ALDH9A1: variants seen among roughly 807,000 people sequenced by gnomAD.
The protein encoded by ALDH9A1 is aldehyde dehydrogenase 9 family member A1.
A neutral mutation model predicts 56.6 loss-of-function variants in ALDH9A1; 42 were observed. That is an observed-to-expected ratio of 0.74 (90% CI 0.58 to 0.96). The LOEUF (loss-of-function observed/expected upper bound fraction) is 0.96. ALDH9A1 is among the 40% of genes least tolerant of loss of function. The pLI is 0.00. For synonymous variants in ALDH9A1, 242 were observed against 236.0 expected (o/e 1.03, Z -0.23); for missense variants, 661 against 651.5 (o/e 1.01, Z -0.16).
At chr1:165,674,927 C>T (rs1005352309) in intron 6 of ALDH9A1, among the ~76,000 whole-genome samples, 3 of 152,158 alleles carry the variant, frequency 2.0e-5, no homozygotes, top group African/African-American at 7.2e-5. Context: ...GGCGTGGTGG[C>T]TCACGCCTAT....
At chr1:165,697,026 T>G (rs1650110618) in intron 1 of ALDH9A1, among the ~76,000 whole-genome samples, 1 of 152,242 alleles carries the variant, frequency 6.6e-6, no homozygotes, top group South Asian at 2.1e-4. Context: ...AAATCAGTTT[T>G]ATTGCTCTGG....
At position 165,662,337 on chromosome 1, in the gene ALDH9A1, T is replaced by C. The variant is rs1348676075; in HGVS notation, c.*713A>G. ...CAGGCTGTAGTTCAAGGACCCAAGA[T>C]AGGGAGATAGATTTCCTCTATCGCA... On this transcript the variant is annotated 3_prime_UTR_variant, in exon 11 of 11. Coordinates refer to ENST00000354775, the MANE Select transcript of ALDH9A1 (RefSeq NM_000696.4). 3.9e-5 allele frequency: 6 copies of C among 152,268 alleles called. No individual in the cohort carries two copies. The highest frequency in any genetic ancestry group is 1.2e-4 in the African/African-American group (5 of 41,460). The allele number at this position is 152,268 out of a possible 1,614,324, so 9.4% of individuals were successfully genotyped here. A position where few individuals can be genotyped will look rare whatever the true frequency, so the allele number is the denominator to read the frequency against.
At chr1:165,689,685 G>T (rs932157557) in intron 2 of ALDH9A1, among the ~76,000 whole-genome samples, 8 of 152,122 alleles carry the variant, frequency 5.3e-5, no homozygotes, top group African/African-American at 1.9e-4. Flanking sequence ...TGTAATCCCA[G>T]CACTTTGGAA....
chr1:165,684,518 C>G (rs866255140), intron 2 of ALDH9A1, among the ~76,000 whole-genome samples: 1 of 152,162 alleles, frequency 6.6e-6, no homozygotes, highest in African/African-American at 2.4e-5. Flanking sequence ...TCAATTCTTA[C>G]ACCAAGCATA....
chr1:165,687,094 T>G (rs570789695), intron 2 of ALDH9A1, among the ~76,000 whole-genome samples: 1 of 151,958 alleles, frequency 6.6e-6, no homozygotes, highest in Non-Finnish European at 1.5e-5. Context: ...CCGATGAACT[T>G]GAGTCATAAC....
At position 165,686,519 on chromosome 1, in the gene ALDH9A1, A is replaced by T. The variant is rs554131463; in HGVS notation, c.328-3409T>A. 2.6e-3 allele frequency among the ~76,000 whole-genome samples: 368 copies of T among 138,924 alleles called. 4 individuals are homozygous for T. The highest frequency in any genetic ancestry group is 0.022 in the Middle Eastern group (6 of 268). 91.1% of individuals were successfully genotyped at this position (138,924 alleles called of 152,430 possible). A position where few individuals can be genotyped will look rare whatever the true frequency, so the allele number is the denominator to read the frequency against. On this transcript the variant is annotated intron_variant, in intron 2 of 10. Transcript: ENST00000354775. ...CCAAGAAGAAAATGTTTTTTTTTTT[A>T]AAAAAAAAAGCCCCAGAACTCACAC... is the stretch of plus-strand genomic sequence containing the variant.
chr1:165,669,465 C>A lies in ALDH9A1; in HGVS notation c.931-15G>T. On this transcript the variant is annotated splice_polypyrimidine_tract_variant and intron_variant, in intron 6 of 10. Transcript: ENST00000354775. Reference sequence around the variant, plus strand: ...TTACAGCAAACCTAAAGGACAAACACAAGACATCAATTTCTATGTGTGTAA... The same window carrying A: ...TTACAGCAAACCTAAAGGACAAACAAAAGACATCAATTTCTATGTGTGTAA... 1 of 1,588,660 alleles carries A rather than the reference C, an allele frequency of 6.3e-7. No homozygotes were observed. The highest frequency in any genetic ancestry group is 8.6e-7 in the Non-Finnish European group (1 of 1,168,858).
chr1:165,674,092 G>C (rs562685649), intron 6 of ALDH9A1, among the ~76,000 whole-genome samples: 1 of 152,130 alleles, frequency 6.6e-6, no homozygotes, highest in African/African-American at 2.4e-5. Context: ...GCATCAACAT[G>C]CTAAAAGACA....
intron 2 of ALDH9A1, among the ~76,000 whole-genome samples, chr1:165,693,281 C>T (rs76855014): frequency 0.37 from 55,598 of 151,942 alleles, 10,345 homozygotes; most frequent in East Asian, 0.59. Context: ...AACAGGCAAC[C>T]TACAGAATGG....
intron 4 of ALDH9A1, among the ~76,000 whole-genome samples, chr1:165,681,627 CTATTT>C (rs1291965593): frequency 6.6e-6 from 1 of 152,136 alleles, no homozygotes; most frequent in Non-Finnish European, 1.5e-5. Context: ...TGTAAGAAAA[CTATTT>C]TATGTCAATC....
intron 2 of ALDH9A1, among the ~76,000 whole-genome samples, chr1:165,692,551 A>G (rs1649927334): frequency 1.3e-5 from 2 of 152,230 alleles, no homozygotes; most frequent in Admixed American, 1.3e-4. Context: ...ACCACTGCTC[A>G]ATGAAATAAA....
intron 1 of ALDH9A1, among the ~76,000 whole-genome samples, chr1:165,696,715 A>G (rs1355193234): frequency 6.6e-6 from 1 of 152,178 alleles, no homozygotes; most frequent in Non-Finnish European, 1.5e-5. Flanking sequence ...AAGTTTGCCA[A>G]CTCAGCAAAT....
At chr1:165,695,536 C>T (rs1475915203) in intron 1 of ALDH9A1, 139 bp from the exon 2 acceptor site, 23 of 896,832 alleles carry the variant, frequency 2.6e-5, no homozygotes, top group Non-Finnish European at 3.0e-6. Flanking sequence ...TGCTCTGTCA[C>T]CCAGGCTGGA....
In ALDH9A1 at chr1:165,695,244, G is replaced by A; in HGVS notation, c.327+8C>T. The A allele has an allele frequency of 6.3e-7, 1 of 1,599,462 alleles. No homozygotes were observed. The highest frequency in any genetic ancestry group is 1.1e-5 in the South Asian group (1 of 88,606). On this transcript the variant is annotated splice_region_variant and intron_variant, in intron 2 of 10. Coordinates refer to ENST00000354775, the MANE Select transcript of ALDH9A1 (RefSeq NM_000696.4). ...CTGAGTTCTGGAAGGAAATAAATTG[G>A]AACATACCCTTATTATCCTGGCAGC...
intron 4 of ALDH9A1, 86 bp downstream of exon 4, chr1:165,682,021 T>C (rs772519718): frequency 2.0e-5 from 31 of 1,531,430 alleles, no homozygotes; most frequent in Admixed American, 3.6e-5. Context: ...TGTGTGTTTA[T>C]AGAGAGGTGA....
At chr1:165,665,643 A>C (rs1250253364) in intron 9 of ALDH9A1, among the ~76,000 whole-genome samples, 1 of 152,234 alleles carries the variant, frequency 6.6e-6, no homozygotes, top group South Asian at 2.1e-4. Flanking sequence ...ATTTTGTGCT[A>C]CAAATAAGAC....
At chr1:165,688,340 G>C (rs997466224) in intron 2 of ALDH9A1, among the ~76,000 whole-genome samples, 1 of 152,072 alleles carries the variant, frequency 6.6e-6, no homozygotes, top group African/African-American at 2.4e-5. Flanking sequence ...AAACAGAAAA[G>C]AAATGCTGAA....
At chr1:165,663,259 A>G (rs1558000287) in intron 10 of ALDH9A1, 115 bp from the exon 11 acceptor site, 5 of 825,702 alleles carry the variant, frequency 6.1e-6, no homozygotes, top group Non-Finnish European at 9.9e-6. Context: ...TAGAACCTAA[A>G]TGTTTTGGAA....
At chr1:165,698,167 T>C (rs1334546965) in intron 1 of ALDH9A1, 37 of 1,305,690 alleles carry the variant, frequency 2.8e-5, no homozygotes, top group Middle Eastern at 5.6e-4. Context: ...ACGCAACTCA[T>C]CAGCTTTGCT....
Sources: allele counts gnomAD v4.1 joint callset (sites outside exome capture counted in the v4.1 genomes callset), GRCh38; gene constraint gnomAD v4.1.1; transcripts MANE v1.5; gene names NCBI Gene and HGNC (gene_info 2026-07-23, HGNC 2026-07-21).